Variants in WNT2B observed in about 807,000 individuals in gnomAD.
The protein encoded by WNT2B is protein Wnt-2b.
In WNT2B, 19 loss-of-function variants were observed where a neutral mutation model predicts 40.5. That is an observed-to-expected ratio of 0.47 (90% CI 0.33 to 0.69). WNT2B has a LOEUF of 0.69. Among genes scored for constraint, WNT2B ranks in the 30% least tolerant of loss-of-function variants. The pLI, the probability that WNT2B is intolerant of heterozygous loss-of-function variation, is 0.02. For synonymous variants in WNT2B, 220 were observed against 211.9 expected (o/e 1.04, Z -0.33); for missense variants, 467 against 556.4 (o/e 0.84, Z 1.62).
intron 1 of WNT2B, among the ~76,000 whole-genome samples, chr1:112,492,172 C>T (rs1328409806): frequency 6.6e-6 from 1 of 152,194 alleles, no homozygotes; most frequent in Non-Finnish European, 1.5e-5. Context: ...CAAGATTTAG[C>T]AATTTCCCAT....
In WNT2B at chr1:112,509,097, TC is replaced by T. The variant is rs1402246065; in HGVS notation, c.-165del. 10 of 1,355,228 alleles carry T rather than the reference TC, an allele frequency of 7.4e-6. No homozygotes were observed. Among genetic ancestry groups the T allele is most frequent in the African/African-American group, 1.5e-5 (1 of 64,858 alleles). 84.0% of individuals were successfully genotyped at this position (1,355,228 alleles called of 1,614,324 possible). On this transcript the variant is annotated 5_prime_UTR_variant, in exon 1 of 5. Coordinates refer to ENST00000369684, the MANE Select transcript of WNT2B (RefSeq NM_024494.3). This position sits in a 1 kb window ranked among gnomAD's most constrained non-coding sequence, Gnocchi z 4.2. Reference sequence around the variant, plus strand: ...CCGGACATCGCAACTTGCGCCCCTCTCGGGGATCCTCCTCCCGGGCTCTGGA... The same window carrying T: ...CCGGACATCGCAACTTGCGCCCCTCTGGGGATCCTCCTCCCGGGCTCTGGA...
chr1:112,486,158 C>CACACACACA (rs56037560), intron 1 of WNT2B, among the ~76,000 whole-genome samples: 3 of 151,294 alleles, frequency 2.0e-5, no homozygotes, highest in African/African-American at 4.8e-5. Context: ...CACACACACA[C>CACACACACA]CAGGCTGGGT....
intron 4 of WNT2B, chr1:112,518,395 T>G (rs1200204214): frequency 6.6e-6 from 1 of 152,200 alleles, no homozygotes. Context: ...GTACTGTTTG[T>G]TTTCACCCAT....
intron 1 of WNT2B, among the ~76,000 whole-genome samples, chr1:112,481,028 G>T (rs982378048): frequency 3.9e-5 from 6 of 152,096 alleles, no homozygotes; most frequent in African/African-American, 7.2e-5. Context: ...AATTAGCTGG[G>T]CATGTTGGCA....
rs1257213624 is a variant in WNT2B, at chr1:112,527,779, T to C, written c.*7270T>C. 6.6e-6 allele frequency: 1 copy of C among 152,264 alleles called. No individual in the cohort carries two copies. The highest frequency in any genetic ancestry group is 6.5e-5 in the Admixed American group (1 of 15,286). 9.4% of individuals were successfully genotyped at this position (152,264 alleles called of 1,614,324 possible). ...TAGAGGGTTAACTCCTTCCCAATTGTAGGGATCTATTCAGCAGGCTGCCAC... is the reference window on the plus strand; with the variant it reads ...TAGAGGGTTAACTCCTTCCCAATTGCAGGGATCTATTCAGCAGGCTGCCAC... On this transcript the variant is annotated 3_prime_UTR_variant, in exon 5 of 5. Transcript: ENST00000369684.
At chr1:112,478,297 A>T (rs1012297498) in intron 1 of WNT2B, among the ~76,000 whole-genome samples, 2 of 152,040 alleles carry the variant, frequency 1.3e-5, no homozygotes, top group East Asian at 1.9e-4. Context: ...TATTAAAAAA[A>T]AATAATAAAG....
chr1:112,494,137 C>G (rs1045941572), intron 1 of WNT2B, among the ~76,000 whole-genome samples: 8 of 150,738 alleles, frequency 5.3e-5, no homozygotes, highest in African/African-American at 7.4e-5. Flanking sequence ...TGGTGAAACC[C>G]CATCTCTACT....
At position 112,515,431 on chromosome 1, in the gene WNT2B, GTTCTTAAC is replaced by G. The variant is rs1305643480; in HGVS notation, c.403+338_403+345del. On this transcript the variant is annotated intron_variant, in intron 2 of 4. Transcript: ENST00000369684. The surrounding 1 kb of genome is among the most constrained non-coding windows in gnomAD (Gnocchi z 4.4). ...GGCTGAGGTCTATGATAGGCCCTCT[GTTCTTAAC>G]ACCACCATCACTATCGTCACCCCAA... Among the ~76,000 whole-genome samples the G allele has an allele frequency of 4.6e-5, 7 of 152,144 alleles. No individual in the cohort carries two copies. Among genetic ancestry groups the G allele is most frequent in the Non-Finnish European group, 1.0e-4 (7 of 68,034 alleles).
intron 1 of WNT2B, among the ~76,000 whole-genome samples, chr1:112,488,707 A>G (rs1438967886): frequency 1.3e-5 from 2 of 151,666 alleles, no homozygotes; most frequent in Non-Finnish European, 2.9e-5. Flanking sequence ...GCTCGCCACC[A>G]TGCCCGGCTA....
At chr1:112,493,473 T>A (rs976656085) in intron 1 of WNT2B, among the ~76,000 whole-genome samples, 1 of 152,006 alleles carries the variant, frequency 6.6e-6, no homozygotes, top group African/African-American at 2.4e-5. Flanking sequence ...GTATTTTGAA[T>A]CAGCCAGGCA....
In WNT2B at chr1:112,526,054, G is replaced by A. The variant is rs75947674; in HGVS notation, c.*5545G>A. On this transcript the variant is annotated 3_prime_UTR_variant, in exon 5 of 5. Transcript: ENST00000369684. ...CCTAGGTCTTCTGACTTCAAATCCT[G>A]TGTATTCTCCTCAAAGCCTGAGGAT... 4.1e-5 allele frequency: 66 copies of A among 1,614,156 alleles called. No homozygotes were observed. The African/African-American group carries it at 8.0e-4, about 20-fold the overall frequency.
chr1:112,489,457 G>A (rs1253142640), intron 1 of WNT2B, among the ~76,000 whole-genome samples: 1 of 151,904 alleles, frequency 6.6e-6, no homozygotes, highest in Admixed American at 6.6e-5. Context: ...CCAGCTACTC[G>A]GGAGGCTGAG....
rs755540740 is a variant in WNT2B, at chr1:112,520,301, G to A, written c.968G>A (p.Arg323His). 2.5e-6 allele frequency: 4 copies of A among 1,614,042 alleles called. No individual in the cohort carries two copies. The highest frequency in any genetic ancestry group is 1.1e-5 in the South Asian group (1 of 91,056). The change falls in exon 5 of 5, where the codon CGT becomes CAT. Residue 323 changes from arginine to histidine, a missense_variant. By Grantham distance (29) the Arg-to-His change is conservative. This residue lies in a region of WNT2B where 330 missense variants were observed against 438.6 expected (regional missense o/e 0.75). Transcript: ENST00000369684. ...KAAGSLGTAGRVCSKTSKGTD... is the reference protein window; with the variant it reads ...KAAGSLGTAGHVCSKTSKGTD... ...CCAGGTTCCCTAGGCACTGCAGGCC[G>A]TGTCTGCAGCAAGACATCAAAAGGA...
chr1:112,500,901 T>C (rs1462423644), intron 1 of WNT2B, among the ~76,000 whole-genome samples: 1 of 152,232 alleles, frequency 6.6e-6, no homozygotes, highest in Non-Finnish European at 1.5e-5. Context: ...TACAAATGTA[T>C]GGTACAGTTG....
exon 1 of WNT2B, chr1:112,466,574 G>A (rs778637429): frequency 1.3e-5 from 2 of 152,168 alleles, no homozygotes; most frequent in Non-Finnish European, 2.9e-5. Flanking sequence ...CAGCATTGTT[G>A]TGAGCCTTAA....
At chr1:112,501,946 A>G (rs1325012639) in intron 1 of WNT2B, among the ~76,000 whole-genome samples, 1 of 152,232 alleles carries the variant, frequency 6.6e-6, no homozygotes, top group South Asian at 2.1e-4. Flanking sequence ...GGGATCCCCA[A>G]GAAGACGAAG....
chr1:112,503,397 T>A (rs2101075885), intron 1 of WNT2B, among the ~76,000 whole-genome samples: 1 of 152,282 alleles, frequency 6.6e-6, no homozygotes, highest in African/African-American at 2.4e-5. Flanking sequence ...GTTTTCTGAC[T>A]TTTTACTGGT....
chr1:112,513,002 A>G (rs568164473), intron 1 of WNT2B, among the ~76,000 whole-genome samples: 1 of 152,328 alleles, frequency 6.6e-6, no homozygotes, highest in South Asian at 2.1e-4. Flanking sequence ...AATGGATTTA[A>G]GTCAGACCAC....
upstream of WNT2B, among the ~76,000 whole-genome samples, chr1:112,504,002 A>T (rs749225165): frequency 6.6e-6 from 1 of 152,138 alleles, no homozygotes; most frequent in Non-Finnish European, 1.5e-5. Flanking sequence ...TCACTTCCAG[A>T]TCATTCTAGG....
Sources: allele counts gnomAD v4.1 joint callset (sites outside exome capture counted in the v4.1 genomes callset), GRCh38; gene constraint gnomAD v4.1.1; regional missense constraint gnomAD v4.1.1; non-coding constraint Gnocchi (gnomAD v3.1); transcripts MANE v1.5; gene names NCBI Gene and HGNC (gene_info 2026-07-23, HGNC 2026-07-21).